F8: variants seen among roughly 807,000 people sequenced by gnomAD.
F8 encodes antihemophilic factor.
F8 carries 12 observed loss-of-function variants against 140.6 expected under a neutral mutation model. The observed-to-expected ratio is 0.09, with a 90% confidence interval of 0.05 to 0.14. The LOEUF is 0.14. Among genes scored for constraint, F8 ranks in the 10% least tolerant of loss-of-function variants. The pLI is 1.00. For missense variants in F8, 1,354 were observed against 1,720.7 expected (o/e 0.79, Z 3.77); for synonymous variants, 585 against 614.6 (o/e 0.95, Z 0.71).
chrX:154,928,884 G>C lies in F8; in HGVS notation c.4906C>G (p.Gln1636Glu). Residue 1636 changes from glutamine (Q) to glutamate (E), a missense_variant, in exon 14 of 26, where the codon CAA (glutamine) becomes GAA (glutamate). By Grantham distance (29) the Gln-to-Glu change is conservative. Coordinates refer to ENST00000360256, the MANE Select transcript of F8 (RefSeq NM_000132.4). ...NHAIAAINEG[Q>E]NKPEIEVTWA... ...GTGACTTCTATTTCGGGCTTATTTT[G>C]TCCCTCATTTATTGCTGCTATTGCA... is the stretch of plus-strand genomic sequence containing the variant. The C allele has an allele frequency of 8.3e-7, 1 of 1,211,420 alleles. No individual in the cohort carries two copies. The highest frequency in any genetic ancestry group is 1.1e-6 in the Non-Finnish European group (1 of 895,431).
At chrX:154,870,497 C>T (rs1456013722) in intron 22 of F8, among the ~76,000 whole-genome samples, 2 of 111,477 alleles carry the variant, frequency 1.8e-5, no homozygotes, top group East Asian at 2.8e-4. Flanking sequence ...AATTCAACAC[C>T]CCTTCATGCT....
chrX:154,953,840 A>G (rs1213113241), intron 12 of F8, 52 bp downstream of exon 12: 3 of 1,189,278 alleles, frequency 2.5e-6, no homozygotes, highest in East Asian at 3.0e-5. Context: ...CTTTGATTAC[A>G]TCAATTTTTC....
chrX:154,855,256 G>C (rs782118626), intron 25 of F8, among the ~76,000 whole-genome samples: 1 of 111,898 alleles, frequency 8.9e-6, no homozygotes, highest in South Asian at 3.8e-4. Context: ...GGGATTAGTC[G>C]GTTGCTCCTA....
At chrX:154,941,928 A>G (rs1416513929) in intron 13 of F8, among the ~76,000 whole-genome samples, 6 of 103,777 alleles carry the variant, frequency 5.8e-5, no homozygotes, top group Admixed American at 1.1e-4. Flanking sequence ...TGGGTACATA[A>G]CGAAATGAAG....
intron 25 of F8, among the ~76,000 whole-genome samples, chrX:154,838,995 T>A (rs1052176660): frequency 2.2e-5 from 2 of 89,477 alleles, no homozygotes; most frequent in African/African-American, 8.7e-5. Flanking sequence ...CCCCTTACTC[T>A]GGTCTCCAAG....
At chrX:154,934,342 A>G (rs971604077) in intron 13 of F8, among the ~76,000 whole-genome samples, 63 of 111,619 alleles carry the variant, frequency 5.6e-4, no homozygotes, top group African/African-American at 2.0e-3. Context: ...CTCCTACTTC[A>G]GCCTCCCAAA....
intron 25 of F8, among the ~76,000 whole-genome samples, chrX:154,849,189 G>C (rs1482658916): frequency 8.2e-5 from 9 of 109,555 alleles, no homozygotes. Flanking sequence ...TGTTAGCCAG[G>C]ATGGTCTCAA....
chrX:154,903,823 T>C (rs1281873861), intron 18 of F8, 83 bp downstream of exon 18: 1 of 834,959 alleles, frequency 1.2e-6, no homozygotes, highest in East Asian at 3.1e-5. Flanking sequence ...TGATCACTGA[T>C]TGTGTTCCCA....
At position 154,930,021 on chromosome X, in the gene F8, C is replaced by T; in HGVS notation, c.3769G>A (p.Gly1257Ser). Residue 1257 changes from glycine to serine, a missense_variant, in exon 14 of 26, where the codon GGT (glycine) becomes AGT (serine). Coordinates refer to ENST00000360256, the MANE Select transcript of F8 (RefSeq NM_000132.4). Reference protein sequence around the residue: ...FLLSTRQNVEGSYDGAYAPVL... With the variant: ...FLLSTRQNVESSYDGAYAPVL... ...GGAGCATATGCCCCGTCATATGAAC[C>T]TTCTACATTTTGCCTAGTGCTCAGT... The T allele has an allele frequency of 8.3e-7, 1 of 1,211,050 alleles. No individual in the cohort carries two copies. Among genetic ancestry groups the T allele is most frequent in the Non-Finnish European group, 1.1e-6 (1 of 895,166 alleles).
At chrX:154,991,698 TC>T (rs2073589350) in intron 4 of F8, among the ~76,000 whole-genome samples, 1 of 112,338 alleles carries the variant, frequency 8.9e-6, no homozygotes, top group Non-Finnish European at 1.9e-5. Context: ...TTTGGCACTT[TC>T]TCATTAATTA....
chrX:154,845,985 A>G (rs1324426405), intron 25 of F8, among the ~76,000 whole-genome samples: 1 of 112,219 alleles, frequency 8.9e-6, no homozygotes, highest in Non-Finnish European at 1.9e-5. Context: ...AGATTCTGGT[A>G]TATTGTGTCT....
At chrX:154,978,001 G>A (rs2073496995) in intron 6 of F8, among the ~76,000 whole-genome samples, 1 of 109,269 alleles carries the variant, frequency 9.2e-6, no homozygotes, top group African/African-American at 3.3e-5. Context: ...CAAAAGATCT[G>A]TATTTCAGTT....
At chrX:155,005,765 C>A (rs782715823) in intron 1 of F8, among the ~76,000 whole-genome samples, 11 of 112,025 alleles carry the variant, frequency 9.8e-5, no homozygotes, top group African/African-American at 3.6e-4. Context: ...TCTCTGAGAA[C>A]CAATTTTGGC....
rs1441311151 is a variant in F8, at chrX:154,956,383, T to C, written c.1752+574A>G. Among the ~76,000 whole-genome samples, 31 of 112,171 alleles carry C rather than the reference T, an allele frequency of 2.8e-4. No individual in the cohort carries two copies. In the Admixed American group the frequency reaches 2.9e-3, roughly 11 times the overall value. On this transcript the variant is annotated intron_variant, in intron 11 of 25. Coordinates refer to ENST00000360256, the MANE Select transcript of F8 (RefSeq NM_000132.4). The stretch of plus-strand genomic sequence containing the variant: ...CAGGCATAGGAAATTATAAGAGTAT[T>C]GGTTGGGGAAGTGATAAATGTCCAT...
At chrX:154,942,125 A>G (rs2073269874) in intron 13 of F8, among the ~76,000 whole-genome samples, 1 of 98,106 alleles carries the variant, frequency 1.0e-5, no homozygotes, top group Non-Finnish European at 2.1e-5. Flanking sequence ...GCAAGAGCAA[A>G]CACATTCAAA....
chrX:154,845,662 G>A lies in F8; in HGVS notation c.6901-7910C>T, dbSNP rs782094931. ...TATCCCCTTTATCATTTTTTATTGC[G>A]TCTATTTGATTCTTCTCTCTTTTCT... On this transcript the variant is annotated intron_variant, in intron 25 of 25. Transcript: ENST00000360256. 8.2e-4 allele frequency among the ~76,000 whole-genome samples: 91 copies of A among 110,632 alleles called. 1 individual carries two copies. Among genetic ancestry groups the A allele is most frequent in the East Asian group, 1.4e-3 (5 of 3,552 alleles).
rs782818275 is a variant in F8 at position 154,930,283 on chromosome X, C to A, written c.3507G>T (p.Val1169=). Residue 1169 remains valine (V), a synonymous_variant, in exon 14 of 26, where the codon GTG becomes GTT. Coordinates refer to ENST00000360256, the MANE Select transcript of F8 (RefSeq NM_000132.4). ...GQNFLSEKNK[V]VVGKGEFTKD... is the part of the protein sequence containing the mutation. ...TTGTAAATTCACCCTTTCCTACTAC[C>A]ACTTTGTTTTTCTCAGACAAGAAAT... 1.7e-6 allele frequency: 2 copies of A among 1,211,364 alleles called. No homozygotes were observed. Among genetic ancestry groups the A allele is most frequent in the Admixed American group, 4.3e-5 (2 of 45,994 alleles).
intron 1 of F8, 57 bp from the exon 2 acceptor site, chrX:154,999,657 G>T (rs2073636800): frequency 8.5e-7 from 1 of 1,170,019 alleles, no homozygotes; most frequent in Non-Finnish European, 1.2e-6. Flanking sequence ...AAAGCAGCTG[G>T]AAGTAATGCT....
intron 14 of F8, among the ~76,000 whole-genome samples, chrX:154,910,184 G>A (rs2073057853): frequency 9.0e-6 from 1 of 111,616 alleles, no homozygotes; most frequent in Non-Finnish European, 1.9e-5. Context: ...TGCAGGATGT[G>A]CTTTGTTAAA....
Sources: allele counts gnomAD v4.1 joint callset (sites outside exome capture counted in the v4.1 genomes callset), GRCh38; gene constraint gnomAD v4.1.1; transcripts MANE v1.5; gene names NCBI Gene and HGNC (gene_info 2026-07-23, HGNC 2026-07-21).